The following HS6ST3 variants were observed in gnomAD, a reference collection of about 807,000 sequenced individuals.
HS6ST3 encodes the protein heparan-sulfate 6-O-sulfotransferase 3.
In HS6ST3, 12 loss-of-function variants were observed where a neutral mutation model predicts 36.7. That is an observed-to-expected ratio of 0.33 (90% confidence interval 0.21 to 0.53). HS6ST3 has a LOEUF of 0.53. Among genes scored for constraint, HS6ST3 ranks in the 20% least tolerant of loss-of-function variants. HS6ST3 has a pLI of 0.95. For synonymous variants in HS6ST3, 240 were observed against 257.5 expected, an observed-to-expected ratio of 0.93 and a Z score of 0.65; for missense variants, 584 against 640.9, an observed-to-expected ratio of 0.91 and a Z score of 0.96.
rs569346896 is a variant in HS6ST3 at position 96,564,402 on chromosome 13, G to A, written c.708-268088G>A. ...GTACTTTTAAAATACCAAAGATGAAGTTCTGTTTCCTTCACAGATCATTGG... is the reference window on the plus strand; with the variant it reads ...GTACTTTTAAAATACCAAAGATGAAATTCTGTTTCCTTCACAGATCATTGG... On this transcript the variant is annotated intron_variant, in intron 1 of 1. Coordinates refer to ENST00000376705, the MANE Select transcript of HS6ST3 (RefSeq NM_153456.4). Among the ~76,000 whole-genome samples the A allele has an allele frequency of 2.1e-4, 32 of 152,254 alleles. No individual in the cohort carries two copies. The South Asian group carries it at 6.6e-3, about 32-fold the overall frequency.
At chr13:96,560,843 T>G (rs76146586) in intron 1 of HS6ST3, among the ~76,000 whole-genome samples, 1 of 151,958 alleles carries the variant, frequency 6.6e-6, no homozygotes, top group South Asian at 2.1e-4. Flanking sequence ...TTCTACAAGA[T>G]CTCTACATGG....
chr13:96,816,458 A>C (rs1179106562), intron 1 of HS6ST3, among the ~76,000 whole-genome samples: 1 of 152,224 alleles, frequency 6.6e-6, no homozygotes, highest in African/African-American at 2.4e-5. Context: ...GCTGTCCCAG[A>C]ACATGTCTCT....
intron 1 of HS6ST3, among the ~76,000 whole-genome samples, chr13:96,519,881 A>C (rs1176438578): frequency 6.6e-6 from 1 of 152,186 alleles, no homozygotes; most frequent in African/African-American, 2.4e-5. Flanking sequence ...TTGATTTGGA[A>C]AATGTATATG....
At chr13:96,464,905 G>A (rs1332831401) in intron 1 of HS6ST3, among the ~76,000 whole-genome samples, 1 of 150,316 alleles carries the variant, frequency 6.7e-6, no homozygotes, top group Non-Finnish European at 1.5e-5. Flanking sequence ...TATCCACAGT[G>A]TCCATAGTAA....
intron 1 of HS6ST3, among the ~76,000 whole-genome samples, chr13:96,240,250 T>C (rs1049554757): frequency 2.0e-5 from 3 of 152,140 alleles, no homozygotes; most frequent in African/African-American, 4.8e-5. Context: ...AATGAGACAT[T>C]AGACAGGTTG....
intron 1 of HS6ST3, among the ~76,000 whole-genome samples, chr13:96,746,479 A>G (rs1876564542): frequency 6.6e-6 from 1 of 152,128 alleles, no homozygotes; most frequent in Admixed American, 6.6e-5. Context: ...CCATATTGTT[A>G]GCTAGTTTAG....
At chr13:96,652,434 C>T (rs1324963457) in intron 1 of HS6ST3, among the ~76,000 whole-genome samples, 1 of 151,300 alleles carries the variant, frequency 6.6e-6, no homozygotes, top group Non-Finnish European at 1.5e-5. Flanking sequence ...CCCTCATGTC[C>T]TTCCCTCCAC....
At chr13:96,329,993 T>A (rs1365646446) in intron 1 of HS6ST3, among the ~76,000 whole-genome samples, 1 of 151,388 alleles carries the variant, frequency 6.6e-6, no homozygotes, top group East Asian at 2.0e-4. Flanking sequence ...TATCATAGAC[T>A]AGGATTGCAA....
chr13:96,506,926 G>A (rs1393200243), intron 1 of HS6ST3, among the ~76,000 whole-genome samples: 2 of 152,072 alleles, frequency 1.3e-5, no homozygotes, highest in East Asian at 3.9e-4. Context: ...AGACCTAATG[G>A]AATGAACATG....
At chr13:96,429,550 T>G (rs1645869369) in intron 1 of HS6ST3, among the ~76,000 whole-genome samples, 1 of 152,206 alleles carries the variant, frequency 6.6e-6, no homozygotes, top group South Asian at 2.1e-4. Flanking sequence ...CGACAGCTAC[T>G]TTCTTCCCTG....
chr13:96,714,977 G>A (rs1875656778), intron 1 of HS6ST3, among the ~76,000 whole-genome samples: 1 of 152,014 alleles, frequency 6.6e-6, no homozygotes, highest in South Asian at 2.1e-4. Flanking sequence ...AACAGCACTG[G>A]AATTACAGGT....
chr13:96,695,355 C>T (rs1875098836), intron 1 of HS6ST3, among the ~76,000 whole-genome samples: 1 of 152,214 alleles, frequency 6.6e-6, no homozygotes, highest in South Asian at 2.1e-4. Flanking sequence ...ATTCTCACAT[C>T]TTACAGGTGG....
chr13:96,296,093 C>T (rs546690499), intron 1 of HS6ST3, among the ~76,000 whole-genome samples: 1 of 152,082 alleles, frequency 6.6e-6, no homozygotes, highest in African/African-American at 2.4e-5. Flanking sequence ...GTTTTGCATT[C>T]GCACTAGCCA....
intron 1 of HS6ST3, among the ~76,000 whole-genome samples, chr13:96,115,703 C>T (rs768961829): frequency 5.3e-5 from 8 of 152,182 alleles, no homozygotes; most frequent in Non-Finnish European, 1.2e-4. Context: ...CTGCAGTGAA[C>T]ATACACATGC....
intron 1 of HS6ST3, among the ~76,000 whole-genome samples, chr13:96,502,519 G>A (rs1354131689): frequency 6.6e-6 from 1 of 152,068 alleles, no homozygotes; most frequent in Admixed American, 6.6e-5. Flanking sequence ...TTATCAAGCA[G>A]GGACAAAGCA....
chr13:96,450,491 C>A (rs1214348204), intron 1 of HS6ST3, among the ~76,000 whole-genome samples: 1 of 152,158 alleles, frequency 6.6e-6, no homozygotes, highest in Non-Finnish European at 1.5e-5. Context: ...CCCCTGCTTG[C>A]CTATCTCTGT....
chr13:96,283,769 T>G (rs2054786841), intron 1 of HS6ST3, among the ~76,000 whole-genome samples: 2 of 152,198 alleles, frequency 1.3e-5, no homozygotes, highest in South Asian at 4.1e-4. Context: ...TTTAAAAGTT[T>G]AATGTGCATA....
At chr13:96,241,897 T>C (rs918257590) in intron 1 of HS6ST3, among the ~76,000 whole-genome samples, 4 of 151,658 alleles carry the variant, frequency 2.6e-5, no homozygotes, top group Admixed American at 1.3e-4. Context: ...GCCATTCTTC[T>C]GCCTCAGCCT....
Position 96,836,866 on chromosome 13 carries a change from C to T in HS6ST3, c.*3668C>T, listed in dbSNP as rs1238471052. 1.3e-5 allele frequency: 2 copies of T among 152,194 alleles called. No homozygotes were observed. The highest frequency in any genetic ancestry group is 4.8e-5 in the African/African-American group (2 of 41,440). The allele number at this position is 152,194 out of a possible 1,614,324, so 9.4% of individuals were successfully genotyped here. Reference sequence around the variant, plus strand: ...AGCTCTGGTGTGTGATGTTACCAGACGCCTAGGCCCTCTCCTGTTGCTCTG... The same window carrying T: ...AGCTCTGGTGTGTGATGTTACCAGATGCCTAGGCCCTCTCCTGTTGCTCTG... On this transcript the variant is annotated 3_prime_UTR_variant, in exon 2 of 2. Transcript: ENST00000376705.
Sources: gnomAD v4.1 joint callset for allele counts (sites outside exome capture counted in the v4.1 genomes callset) on GRCh38, gnomAD v4.1.1 for gene constraint, MANE v1.5 for transcripts, NCBI Gene and HGNC (gene_info 2026-07-23, HGNC 2026-07-21) for gene names.